NUMB: variants seen among roughly 807,000 people sequenced by gnomAD.
The protein encoded by NUMB is NUMB endocytic adaptor protein.
NUMB carries 29 observed loss-of-function variants against 59.7 expected under a neutral mutation model. The observed-to-expected ratio is 0.49, with a 90% CI of 0.36 to 0.66. The LOEUF (loss-of-function observed/expected upper bound fraction) is 0.66. Among genes scored for constraint, NUMB ranks in the 30% least tolerant of loss-of-function variants. The pLI is 0.00. For synonymous variants in NUMB, 288 were observed against 288.2 expected (o/e 1.00, Z 0.01); for missense variants, 723 against 822.0 (o/e 0.88, Z 1.47).
At chr14:73,411,797 G>A (rs957655193) in intron 1 of NUMB, among the ~76,000 whole-genome samples, 8 of 151,748 alleles carry the variant, frequency 5.3e-5, no homozygotes, top group African/African-American at 1.9e-4. Context: ...TTTTAAATGT[G>A]TATTTTGTGC....
chr14:73,421,184 T>C (rs1354193030), intron 1 of NUMB, among the ~76,000 whole-genome samples: 2 of 151,970 alleles, frequency 1.3e-5, no homozygotes, highest in African/African-American at 4.8e-5. Flanking sequence ...GTGTTTTTGT[T>C]TGTTTGTTTG....
At chr14:73,399,866 A>C (rs1259193440) in intron 2 of NUMB, among the ~76,000 whole-genome samples, 2 of 152,096 alleles carry the variant, frequency 1.3e-5, no homozygotes, top group African/African-American at 2.4e-5. Flanking sequence ...CAACATGGAG[A>C]AACCCCATCT....
intron 4 of NUMB, among the ~76,000 whole-genome samples, chr14:73,334,229 C>T (rs1212739417): frequency 6.6e-6 from 1 of 152,068 alleles, no homozygotes; most frequent in African/African-American, 2.4e-5. Flanking sequence ...ACTTTTAGAT[C>T]CCATTTGTTG....
At chr14:73,392,121 T>C (rs2140100246) in intron 2 of NUMB, among the ~76,000 whole-genome samples, 1 of 152,314 alleles carries the variant, frequency 6.6e-6, no homozygotes, top group Non-Finnish European at 1.5e-5. Flanking sequence ...CTGGAGGTGC[T>C]TGCAACCATC....
At chr14:73,374,824 G>A (rs905857232) in intron 2 of NUMB, among the ~76,000 whole-genome samples, 7 of 149,122 alleles carry the variant, frequency 4.7e-5, no homozygotes, top group African/African-American at 1.5e-4. Context: ...GGATTCAAGC[G>A]ATTCTCCTGC....
At chr14:73,458,366 G>C (rs1884581986) in intron 1 of NUMB, 127 bp downstream of exon 1, 1 of 148,594 alleles carries the variant, frequency 6.7e-6, no homozygotes, top group African/African-American at 2.5e-5. Flanking sequence ...CCCTGGCCCC[G>C]GCCCCGGCCC....
At chr14:73,354,230 C>T (rs1406677728) in intron 4 of NUMB, among the ~76,000 whole-genome samples, 1 of 151,714 alleles carries the variant, frequency 6.6e-6, no homozygotes, top group Non-Finnish European at 1.5e-5. Context: ...ATACATAGGC[C>T]GAGTGTGGTG....
At chr14:73,322,002 T>C (rs1030381588) in intron 5 of NUMB, among the ~76,000 whole-genome samples, 1 of 152,190 alleles carries the variant, frequency 6.6e-6, no homozygotes, top group Admixed American at 6.5e-5. Context: ...TCAGGAATTA[T>C]AGATAAGAAG....
At chr14:73,431,252 GCTTTT>G (rs1241953171) in intron 1 of NUMB, among the ~76,000 whole-genome samples, 2 of 144,824 alleles carry the variant, frequency 1.4e-5, no homozygotes, top group Non-Finnish European at 3.0e-5. Context: ...ACCGCACTTG[GCTTTT>G]CTTTTTTTTT....
At chr14:73,445,783 A>G (rs901171858) in intron 1 of NUMB, among the ~76,000 whole-genome samples, 1 of 152,212 alleles carries the variant, frequency 6.6e-6, no homozygotes, top group African/African-American at 2.4e-5. Flanking sequence ...CTAAGAAAGC[A>G]GAGCTGAAGG....
intron 3 of NUMB, among the ~76,000 whole-genome samples, chr14:73,361,830 CAGAAA>C: frequency 6.6e-6 from 1 of 151,924 alleles, no homozygotes; most frequent in African/African-American, 2.4e-5. Context: ...ATGAAAGAGA[CAGAAA>C]AGGGGCATTT....
rs757332138 is a variant in NUMB, at chr14:73,276,373, T to C, written c.*205A>G. On this transcript the variant is annotated 3_prime_UTR_variant, in exon 13 of 13. Coordinates refer to ENST00000555238, the MANE Select transcript of NUMB (RefSeq NM_001005743.2). ...ATTTCCTTGACTTCTTTAGCCTAAT[T>C]GCAAGGCAGCTTTTCTCTAGGAATG... is the stretch of plus-strand genomic sequence containing the variant. The C allele has an allele frequency of 1.5e-5, 8 of 536,888 alleles. No individual in the cohort carries two copies. Among genetic ancestry groups the C allele is most frequent in the African/African-American group, 7.6e-5 (4 of 52,954 alleles). 33.3% of individuals were successfully genotyped at this position (536,888 alleles called of 1,614,324 possible).
intron 4 of NUMB, among the ~76,000 whole-genome samples, chr14:73,335,007 C>A (rs777053468): frequency 1.7e-4 from 26 of 148,902 alleles, no homozygotes; most frequent in Non-Finnish European, 1.6e-4. Context: ...ATCTTAATTT[C>A]TTTGGGTTCT....
At chr14:73,306,290 A>T (rs1890424018) in intron 6 of NUMB, among the ~76,000 whole-genome samples, 1 of 152,226 alleles carries the variant, frequency 6.6e-6, no homozygotes. Context: ...TAGCTCTTCT[A>T]GTTTGCCAAA....
chr14:73,384,542 A>G (rs1895400641), intron 2 of NUMB, among the ~76,000 whole-genome samples: 1 of 152,204 alleles, frequency 6.6e-6, no homozygotes, highest in Admixed American at 6.5e-5. Context: ...ACATACAAGA[A>G]AGAAGAAATA....
chr14:73,405,005 C>T (rs1594997871), intron 2 of NUMB, among the ~76,000 whole-genome samples: 1 of 152,070 alleles, frequency 6.6e-6, no homozygotes. Flanking sequence ...GTGACCTGCC[C>T]GCCTCTGCCT....
At chr14:73,421,172 T>G (rs1478307111) in intron 1 of NUMB, among the ~76,000 whole-genome samples, 1 of 151,876 alleles carries the variant, frequency 6.6e-6, no homozygotes, top group African/African-American at 2.4e-5. Context: ...AGTTTTTTTT[T>G]GGTGTTTTTG....
intron 4 of NUMB, among the ~76,000 whole-genome samples, chr14:73,341,397 T>C (rs961208411): frequency 3.3e-5 from 5 of 152,152 alleles, no homozygotes; most frequent in African/African-American, 1.2e-4. Flanking sequence ...GATGTGTGGG[T>C]TAAGTCATCC....
At chr14:73,309,686 C>T (rs866952180) in intron 6 of NUMB, among the ~76,000 whole-genome samples, 3 of 149,758 alleles carry the variant, frequency 2.0e-5, no homozygotes, top group African/African-American at 7.4e-5. Flanking sequence ...AACAAACCTG[C>T]ATGTTCTGCA....
Sources: allele counts gnomAD v4.1 joint callset (sites outside exome capture counted in the v4.1 genomes callset), GRCh38; gene constraint gnomAD v4.1.1; transcripts MANE v1.5; gene names NCBI Gene and HGNC (gene_info 2026-07-23, HGNC 2026-07-21).